Variants in ABLIM2 observed in about 807,000 individuals in gnomAD.
The protein encoded by ABLIM2 is actin-binding LIM protein 2.
ABLIM2 carries 53 observed loss-of-function variants against 97.7 expected under a neutral mutation model. That is an observed-to-expected ratio of 0.54 (90% CI 0.44 to 0.68). The LOEUF (loss-of-function observed/expected upper bound fraction) is 0.68. Ranked by LOEUF, ABLIM2 falls within the 30% of genes least tolerant of loss-of-function variation. The pLI, the probability that ABLIM2 is intolerant of heterozygous loss-of-function variation, is 0.00. For synonymous variants in ABLIM2, 361 were observed against 345.8 expected (o/e 1.04, Z -0.49); for missense variants, 835 against 867.2 (o/e 0.96, Z 0.47).
chr4:8,072,409 C>A lies in ABLIM2; in HGVS notation c.675+5219G>T, dbSNP rs929500561. Among the ~76,000 whole-genome samples, 5 of 152,192 alleles carry A rather than the reference C, an allele frequency of 3.3e-5. No individual in the cohort carries two copies. Among genetic ancestry groups the A allele is most frequent in the African/African-American group, 9.6e-5 (4 of 41,454 alleles). On this transcript the variant is annotated intron_variant, in intron 6 of 20. Transcript: ENST00000447017. The surrounding 1 kb of genome is among the most constrained non-coding windows in gnomAD (Gnocchi z 5.8). ...CCCCAGTTTGGGTGGGGTCTGCCCC[C>A]GACCCCAGGCCAGGGCCTCTCTGGT... is the stretch of plus-strand genomic sequence containing the variant.
rs1026847752 is a variant in ABLIM2 at position 8,069,378 on chromosome 4, C to G, written c.675+8250G>C. Among the ~76,000 whole-genome samples the G allele has an allele frequency of 1.3e-5, 2 of 152,256 alleles. No homozygotes were observed. Among genetic ancestry groups the G allele is most frequent in the African/African-American group, 4.8e-5 (2 of 41,472 alleles). On this transcript the variant is annotated intron_variant, in intron 6 of 20. Coordinates refer to ENST00000447017, the MANE Select transcript of ABLIM2 (RefSeq NM_001130083.2). The surrounding 1 kb of genome is among the most constrained non-coding windows in gnomAD (Gnocchi z 4.2). ...TCCCGCCTGTGGATGTTCACACGCA[C>G]TGCAGCGTGTCCAGGCTCGGAGGGT...
Position 8,128,543 on chromosome 4 carries a change from C to T in ABLIM2, c.11-21906G>A, listed in dbSNP as rs1194616659. Among the ~76,000 whole-genome samples the T allele has an allele frequency of 1.3e-5, 2 of 152,228 alleles. No homozygotes were observed. Among genetic ancestry groups the T allele is most frequent in the East Asian group, 3.9e-4 (2 of 5,184 alleles). ...GGGGACCTGCTGGTTACCAGATGTA[C>T]TCCCAGGCTCTAAAACACGAATGCA... is the stretch of plus-strand genomic sequence containing the variant. On this transcript the variant is annotated intron_variant, in intron 1 of 20. Coordinates refer to ENST00000447017, the MANE Select transcript of ABLIM2 (RefSeq NM_001130083.2). The surrounding 1 kb of genome is among the most constrained non-coding windows in gnomAD (Gnocchi z 4.9).
chr4:8,007,469 C>T (rs112685505), intron 16 of ABLIM2: 64 of 985,446 alleles, frequency 6.5e-5, no homozygotes, highest in Non-Finnish European at 5.3e-5. Context: ...GCACTTGCTA[C>T]TGGTTTTCAC....
At chr4:8,009,640 C>T (rs1022282162) in intron 14 of ABLIM2, among the ~76,000 whole-genome samples, 2 of 152,162 alleles carry the variant, frequency 1.3e-5, no homozygotes, top group Admixed American at 6.5e-5. Flanking sequence ...AAGTAATCCA[C>T]GTGCCTCAGC....
rs1232231269 is a variant in ABLIM2 at position 8,020,198 on chromosome 4, C to T, written c.1369+4G>A. ...GAGCCCAGCCAGCGTGTCCCGGAGC[C>T]TACCTGGGACGTGGAAGTGGCGAGG... is the stretch of plus-strand genomic sequence containing the variant. On this transcript the variant is annotated splice_donor_region_variant and intron_variant, in intron 13 of 20. Transcript: ENST00000447017. 6.2e-7 allele frequency: 1 copy of T among 1,612,230 alleles called. No individual in the cohort carries two copies. Among genetic ancestry groups the T allele is most frequent in the Non-Finnish European group, 8.5e-7 (1 of 1,178,954 alleles).
chr4:8,065,843 G>A (rs1806773605), intron 6 of ABLIM2, among the ~76,000 whole-genome samples: 1 of 151,800 alleles, frequency 6.6e-6, no homozygotes, highest in Non-Finnish European at 1.5e-5. Context: ...AGAATTGCTT[G>A]AACTTGGGAG....
intron 10 of ABLIM2, among the ~76,000 whole-genome samples, chr4:8,035,878 C>T (rs1784206999): frequency 6.6e-6 from 1 of 152,204 alleles, no homozygotes; most frequent in African/African-American, 2.4e-5. Flanking sequence ...TCCTACAAAC[C>T]AGCATGCTTC....
At chr4:8,040,585 T>C (rs1787733207) in intron 9 of ABLIM2, among the ~76,000 whole-genome samples, 1 of 146,728 alleles carries the variant, frequency 6.8e-6, no homozygotes, top group Admixed American at 6.9e-5. Flanking sequence ...CACTCCAGCC[T>C]GGGCGACAGA....
At chr4:8,048,673 C>T (rs897087899) in intron 8 of ABLIM2, among the ~76,000 whole-genome samples, 3 of 152,192 alleles carry the variant, frequency 2.0e-5, no homozygotes, top group African/African-American at 7.2e-5. Flanking sequence ...TTTCCTCGTT[C>T]CTCAATGGCC....
intron 4 of ABLIM2, among the ~76,000 whole-genome samples, chr4:8,086,063 TCCAC>T (rs1313300138): frequency 3.3e-5 from 5 of 152,100 alleles, no homozygotes; most frequent in African/African-American, 4.8e-5. Context: ...ACTGCAGACA[TCCAC>T]GCAGGAACCA....
At chr4:7,975,070 T>C (rs1016113004) in intron 20 of ABLIM2, among the ~76,000 whole-genome samples, 1 of 152,042 alleles carries the variant, frequency 6.6e-6, no homozygotes, top group Non-Finnish European at 1.5e-5. Context: ...AGTAAAAAAT[T>C]AGCTGGGCGT....
At chr4:8,090,150 G>C (rs151260589) in intron 3 of ABLIM2, among the ~76,000 whole-genome samples, 2 of 152,152 alleles carry the variant, frequency 1.3e-5, no homozygotes, top group African/African-American at 4.8e-5. Context: ...GAGCCTGCAC[G>C]GCTCTCCCAT....
intron 2 of ABLIM2, among the ~76,000 whole-genome samples, chr4:8,104,546 C>T (rs942586811): frequency 5.9e-5 from 9 of 152,212 alleles, no homozygotes; most frequent in East Asian, 1.9e-4. Flanking sequence ...TAGTCACCCA[C>T]GTCCTTGGAC....
intron 20 of ABLIM2, among the ~76,000 whole-genome samples, chr4:7,976,907 A>ATG (rs531145842): frequency 0.16 from 24,137 of 151,290 alleles, 2,387 homozygotes; most frequent in Non-Finnish European, 0.22. Flanking sequence ...ACATACATGT[A>ATG]CACACACACA....
In ABLIM2 at chr4:8,095,957, G is replaced by A. The variant is rs1181931396; in HGVS notation, c.338+1142C>T. Reference sequence around the variant, plus strand: ...TTCATATTTGGTCAAAGACTCCAAGGTACCTGTGCAGTTCGGCGCTCTTGC... The same window carrying A: ...TTCATATTTGGTCAAAGACTCCAAGATACCTGTGCAGTTCGGCGCTCTTGC... On this transcript the variant is annotated intron_variant, in intron 3 of 20. Coordinates refer to ENST00000447017, the MANE Select transcript of ABLIM2 (RefSeq NM_001130083.2). This position sits in a 1 kb window ranked among gnomAD's most constrained non-coding sequence, Gnocchi z 4.7. Among the ~76,000 whole-genome samples, 1 of 152,124 alleles carries A rather than the reference G, an allele frequency of 6.6e-6. No individual in the cohort carries two copies. The highest frequency in any genetic ancestry group is 1.9e-4 in the East Asian group (1 of 5,188).
At chr4:8,088,797 A>T (rs1368641644) in intron 3 of ABLIM2, among the ~76,000 whole-genome samples, 2 of 152,174 alleles carry the variant, frequency 1.3e-5, no homozygotes, top group African/African-American at 4.8e-5. Flanking sequence ...TATTTGCTTC[A>T]TGTTTTCTCT....
chr4:7,978,445 A>T (rs1735320642), intron 20 of ABLIM2, among the ~76,000 whole-genome samples: 1 of 152,214 alleles, frequency 6.6e-6, no homozygotes, highest in Non-Finnish European at 1.5e-5. Context: ...ATGTTGTATT[A>T]TTGCCAAAAA....
intron 6 of ABLIM2, among the ~76,000 whole-genome samples, chr4:8,070,847 C>T (rs1811493457): frequency 1.3e-5 from 2 of 152,108 alleles, no homozygotes; most frequent in Admixed American, 1.3e-4. Flanking sequence ...TTCGCAGAAC[C>T]AGGGGGACGC....
chr4:8,066,562 T>G (rs1253743032), intron 6 of ABLIM2: 1 of 152,170 alleles, frequency 6.6e-6, no homozygotes, highest in Non-Finnish European at 1.5e-5. Context: ...CAGGGAGTAT[T>G]ATTCAGCCAC....
Sources: gnomAD v4.1 joint callset for allele counts (sites outside exome capture counted in the v4.1 genomes callset) on GRCh38, gnomAD v4.1.1 for gene constraint, Gnocchi (gnomAD v3.1) non-coding constraint, MANE v1.5 for transcripts, NCBI Gene and HGNC (gene_info 2026-07-23, HGNC 2026-07-21) for gene names.